SHISA9: variants seen among roughly 807,000 people sequenced by gnomAD.
The protein encoded by SHISA9 is shisa family member 9.
In SHISA9, 13 loss-of-function variants were observed where a neutral mutation model predicts 38.0. The observed-to-expected ratio is 0.34, with a 90% CI of 0.22 to 0.54. The LOEUF is 0.54. SHISA9 is among the 20% of genes least tolerant of loss of function. The probability of loss-of-function intolerance (pLI) is 0.91; values close to 1 mark genes in which losing one functional copy is unlikely to be tolerated. For missense variants in SHISA9, 538 were observed against 575.8 expected, an observed-to-expected ratio of 0.93 and a Z score of 0.67; for synonymous variants, 275 against 242.0, an observed-to-expected ratio of 1.14 and a Z score of -1.27.
chr16:13,070,876 T>C (rs1414667215), intron 2 of SHISA9, among the ~76,000 whole-genome samples: 1 of 152,180 alleles, frequency 6.6e-6, no homozygotes, highest in Non-Finnish European at 1.5e-5. Flanking sequence ...CACAGCCGCC[T>C]TCCCTGAGGA....
intron 2 of SHISA9, among the ~76,000 whole-genome samples, chr16:13,049,312 C>T (rs963787117): frequency 2.0e-5 from 3 of 152,088 alleles, no homozygotes; most frequent in African/African-American, 7.2e-5. Context: ...CTCCAAGTCT[C>T]CCTTTCCCCA....
At chr16:13,342,402 C>T in the SHISA9 span, among the ~76,000 whole-genome samples, 1 of 152,178 alleles carries the variant, frequency 6.6e-6, no homozygotes, top group Non-Finnish European at 1.5e-5. Flanking sequence ...ATCCTCCTGC[C>T]TCAACCTCCC....
At chr16:13,478,379 A>G in the SHISA9 span, among the ~76,000 whole-genome samples, 4 of 152,334 alleles carry the variant, frequency 2.6e-5, no homozygotes, top group East Asian at 7.7e-4. Flanking sequence ...TTCACAAAGC[A>G]AAAGATCACA....
intron 2 of SHISA9, among the ~76,000 whole-genome samples, chr16:13,082,118 G>A (rs2073657926): frequency 6.6e-6 from 1 of 152,234 alleles, no homozygotes; most frequent in African/African-American, 2.4e-5. Context: ...TAAAAGGACA[G>A]TGAAGCTTAC....
At chr16:13,322,165 A>G in the SHISA9 span, among the ~76,000 whole-genome samples, 1 of 152,352 alleles carries the variant, frequency 6.6e-6, no homozygotes, top group South Asian at 2.1e-4. Context: ...GCCTCGAAGG[A>G]GCTGAGTGCC....
downstream of SHISA9, among the ~76,000 whole-genome samples, chr16:13,243,992 C>G (rs1161953783): frequency 6.6e-6 from 1 of 151,974 alleles, no homozygotes; most frequent in African/African-American, 2.4e-5. Flanking sequence ...AGGATGGCCT[C>G]GATTTCCTGA....
chr16:12,953,597 C>T (rs567206634), intron 2 of SHISA9, among the ~76,000 whole-genome samples: 1 of 152,262 alleles, frequency 6.6e-6, no homozygotes, highest in East Asian at 1.9e-4. Flanking sequence ...TAAATAAGAC[C>T]TATTACTCTT....
chr16:13,433,458 A>C, the SHISA9 span, among the ~76,000 whole-genome samples: 1 of 152,224 alleles, frequency 6.6e-6, no homozygotes, highest in Non-Finnish European at 1.5e-5. Flanking sequence ...TATGTGCATG[A>C]GATACATCAC....
At chr16:13,287,882 T>G in the SHISA9 span, among the ~76,000 whole-genome samples, 1 of 152,116 alleles carries the variant, frequency 6.6e-6, no homozygotes, top group African/African-American at 2.4e-5. Flanking sequence ...ATCTGGCGAG[T>G]GTTTTCACCT....
intron 2 of SHISA9, among the ~76,000 whole-genome samples, chr16:13,146,922 A>C (rs909303207): frequency 6.6e-6 from 1 of 152,232 alleles, no homozygotes; most frequent in Admixed American, 6.5e-5. Context: ...AAGCTTTATA[A>C]AGGAAAGAAG....
the SHISA9 span, among the ~76,000 whole-genome samples, chr16:13,434,418 T>TG: frequency 8.0e-6 from 1 of 124,878 alleles, no homozygotes. Flanking sequence ...AGACAAGCTA[T>TG]GTTTTTTTTT....
At chr16:13,170,483 G>C (rs966201605) in intron 2 of SHISA9, among the ~76,000 whole-genome samples, 1 of 152,102 alleles carries the variant, frequency 6.6e-6, no homozygotes, top group African/African-American at 2.4e-5. Context: ...ACACACACTG[G>C]GGCCTGCCAG....
chr16:13,462,716 G>C, the SHISA9 span, among the ~76,000 whole-genome samples: 10 of 152,048 alleles, frequency 6.6e-5, no homozygotes, highest in Non-Finnish European at 1.5e-4. Flanking sequence ...AATCGTAGCA[G>C]TTTAGGAGGC....
rs2050372094 is a variant in SHISA9 at position 13,138,760 on chromosome 16, T to C, written c.692-64634T>C. ...AAAGAATTGCTGCCCTATGAGTCAT[T>C]TTCCCCCATTCATGTGAGCATGTTA... On this transcript the variant is annotated intron_variant, in intron 2 of 4. Coordinates refer to ENST00000558583, the MANE Select transcript of SHISA9 (RefSeq NM_001145204.3). 3.3e-5 allele frequency among the ~76,000 whole-genome samples: 5 copies of C among 152,372 alleles called. No individual in the cohort carries two copies. The South Asian group carries it at 1.0e-3, about 32-fold the overall frequency.
chr16:13,535,090 A>C, the SHISA9 span, among the ~76,000 whole-genome samples: 1 of 152,040 alleles, frequency 6.6e-6, no homozygotes. Context: ...TACTGAAAAT[A>C]CAAAAATTAG....
the SHISA9 span, among the ~76,000 whole-genome samples, chr16:13,420,237 A>T: frequency 1.7e-5 from 2 of 118,596 alleles, no homozygotes; most frequent in Admixed American, 2.0e-4. Context: ...CAGAGTGAGA[A>T]TCTGTTTCAA....
intron 3 of SHISA9, among the ~76,000 whole-genome samples, chr16:13,209,738 A>T (rs879657264): frequency 1.3e-5 from 2 of 152,172 alleles, no homozygotes; most frequent in Non-Finnish European, 2.9e-5. Context: ...AGGTGCCCAT[A>T]TGGTTACAAT....
rs1321362546 is a variant in SHISA9, at chr16:13,124,734, T to C, written c.692-78660T>C. ...TTCAAATTATGCTACTGAGCTATAG[T>C]AACCAAAATAGCATGGCACTGGCAT... On this transcript the variant is annotated intron_variant, in intron 2 of 4. Coordinates refer to ENST00000558583, the MANE Select transcript of SHISA9 (RefSeq NM_001145204.3). 3.9e-5 allele frequency among the ~76,000 whole-genome samples: 6 copies of C among 152,288 alleles called. No individual in the cohort carries two copies. The East Asian group carries it at 1.2e-3, about 29-fold the overall frequency.
the SHISA9 span, among the ~76,000 whole-genome samples, chr16:13,392,931 C>A: frequency 6.6e-6 from 1 of 152,330 alleles, no homozygotes; most frequent in South Asian, 2.1e-4. Context: ...TGATTTTGGC[C>A]CTCCAGAGCT....
Sources: allele counts gnomAD v4.1 joint callset (sites outside exome capture counted in the v4.1 genomes callset), GRCh38; gene constraint gnomAD v4.1.1; transcripts MANE v1.5; gene names NCBI Gene and HGNC (gene_info 2026-07-23, HGNC 2026-07-21).